ZNF536: variants seen among roughly 807,000 people sequenced by gnomAD.
The protein encoded by ZNF536 is zinc finger protein 536.
ZNF536 carries 13 observed loss-of-function variants against 84.5 expected under a neutral mutation model. That is an observed-to-expected ratio of 0.15 (90% CI 0.10 to 0.24). ZNF536 has a LOEUF of 0.24. ZNF536 is among the 10% of genes least tolerant of loss of function. The pLI, the probability that ZNF536 is intolerant of heterozygous loss-of-function variation, is 1.00. For synonymous variants in ZNF536, 811 were observed against 742.5 expected, an observed-to-expected ratio of 1.09 and a Z score of -1.50; for missense variants, 1,536 against 1,747.5, an observed-to-expected ratio of 0.88 and a Z score of 2.16.
chr19:30,320,767 C>T (rs981473892), intron 2 of ZNF536, among the ~76,000 whole-genome samples: 3 of 152,118 alleles, frequency 2.0e-5, no homozygotes, highest in Admixed American at 2.0e-4. Flanking sequence ...CTCCGTGAAA[C>T]GCCATTTGGA....
chr19:30,539,092 G>T (rs546472286), intron 3 of ZNF536, among the ~76,000 whole-genome samples: 1 of 150,920 alleles, frequency 6.6e-6, no homozygotes, highest in Non-Finnish European at 1.5e-5. Flanking sequence ...GAAAAGAAAA[G>T]AAAAAGAAAA....
intron 2 of ZNF536, among the ~76,000 whole-genome samples, chr19:30,316,765 T>G (rs2046692191): frequency 6.6e-6 from 1 of 152,160 alleles, no homozygotes; most frequent in South Asian, 2.1e-4. Context: ...CAACAGGTGG[T>G]TTCTGGGGCC....
At chr19:30,294,544 C>A (rs1308227891) in intron 2 of ZNF536, among the ~76,000 whole-genome samples, 2 of 127,300 alleles carry the variant, frequency 1.6e-5, no homozygotes, top group Non-Finnish European at 3.2e-5. Context: ...TCTCTAGGCC[C>A]CAATATGTGT....
chr19:30,591,318 C>G (rs889600157), intron 1 of ZNF536, among the ~76,000 whole-genome samples: 1 of 152,144 alleles, frequency 6.6e-6, no homozygotes, highest in African/African-American at 2.4e-5. Flanking sequence ...TAAAGACATA[C>G]CCAAGACTGG....
intron 1 of ZNF536, among the ~76,000 whole-genome samples, chr19:30,271,922 A>T (rs1411215164): frequency 2.0e-5 from 3 of 152,232 alleles, no homozygotes; most frequent in Non-Finnish European, 4.4e-5. Context: ...ACCCCTGCAC[A>T]GAAGTAAGAA....
chr19:30,422,121 A>G (rs2050987249), intron 1 of ZNF536, among the ~76,000 whole-genome samples: 1 of 152,184 alleles, frequency 6.6e-6, no homozygotes, highest in Non-Finnish European at 1.5e-5. Flanking sequence ...GGTGCCTGAA[A>G]CTGGGAGCAC....
At chr19:30,629,020 G>T (rs548037500) in intron 1 of ZNF536, among the ~76,000 whole-genome samples, 5 of 152,170 alleles carry the variant, frequency 3.3e-5, no homozygotes, top group African/African-American at 9.6e-5. Flanking sequence ...CACTTTTAAA[G>T]CACCTACCGA....
At chr19:30,345,594 AT>A (rs1373914391) in intron 2 of ZNF536, among the ~76,000 whole-genome samples, 2 of 152,208 alleles carry the variant, frequency 1.3e-5, no homozygotes, top group Non-Finnish European at 2.9e-5. Flanking sequence ...AAAGAAAAAA[AT>A]GTAGTGACTC....
chr19:30,424,976 G>C (rs957930223), intron 1 of ZNF536, among the ~76,000 whole-genome samples: 1 of 152,130 alleles, frequency 6.6e-6, no homozygotes, highest in Non-Finnish European at 1.5e-5. Context: ...AGGGGTGTGC[G>C]TGGAGCCTTC....
At chr19:30,622,477 G>A (rs963556451) in intron 1 of ZNF536, among the ~76,000 whole-genome samples, 1 of 152,226 alleles carries the variant, frequency 6.6e-6, no homozygotes, top group Admixed American at 6.5e-5. Context: ...AGAAGTGGCC[G>A]TTCTGGATGT....
At chr19:30,478,305 C>G (rs1037147584) in intron 2 of ZNF536, among the ~76,000 whole-genome samples, 1 of 152,146 alleles carries the variant, frequency 6.6e-6, no homozygotes. Flanking sequence ...GAGGGTCTTA[C>G]GATCTAACTC....
At chr19:30,607,122 C>T (rs2047927272) in intron 1 of ZNF536, among the ~76,000 whole-genome samples, 1 of 152,184 alleles carries the variant, frequency 6.6e-6, no homozygotes, top group African/African-American at 2.4e-5. Context: ...GATCCCCTCA[C>T]CTCCCTAAAC....
chr19:30,548,756 G>A lies in ZNF536; in HGVS notation c.3137G>A (p.Arg1046Gln), dbSNP rs377642821. The change falls in exon 4 of 5, where the codon CGG becomes CAG. Residue 1046 changes from arginine (R) to glutamine (Q), a missense_variant. Transcript: ENST00000355537. ...ACAGTCAACTGCAAAGACCAAGCCC[G>A]GGAGGCGAGTAAGATGGCCCTGCTG... is the stretch of plus-strand genomic sequence containing the variant. The part of the protein sequence containing the change: ...GVTVNCKDQA[R>Q]EASKMALLPS... 84 of 1,613,894 alleles carry A rather than the reference G, an allele frequency of 5.2e-5. 1 individual carries two copies. The highest frequency in any genetic ancestry group is 3.3e-4 in the East Asian group (15 of 44,862).
chr19:30,564,416 GGAGA>G (rs370641108), intron 1 of ZNF536, among the ~76,000 whole-genome samples: 1 of 151,910 alleles, frequency 6.6e-6, no homozygotes, highest in Non-Finnish European at 1.5e-5. Context: ...TGGGTAAAGA[GGAGA>G]GAGAGAGAGA....
intron 1 of ZNF536, among the ~76,000 whole-genome samples, chr19:30,705,994 A>G (rs1439152132): frequency 1.3e-5 from 2 of 152,220 alleles, no homozygotes; most frequent in Non-Finnish European, 2.9e-5. Flanking sequence ...AAAGGTACTA[A>G]GTGCTTTTAT....
intron 1 of ZNF536, among the ~76,000 whole-genome samples, chr19:30,377,576 G>A (rs919114336): frequency 7.9e-5 from 12 of 152,116 alleles, no homozygotes; most frequent in Non-Finnish European, 1.8e-4. Context: ...GTCCACCCTA[G>A]GTCCAATGCT....
Position 30,557,524 on chromosome 19 carries a change from CTGT to C in ZNF536, c.*362_*364del. ...GGACAACCTGGCTGGGGGTGGGGGG[CTGT>C]TCCACCAGCTCACCTGAGCATGTAG... On this transcript the variant is annotated 3_prime_UTR_variant, in exon 5 of 5. Transcript: ENST00000355537. 1 of 206,380 alleles carries C rather than the reference CTGT, an allele frequency of 4.8e-6. No individual in the cohort carries two copies. The highest frequency in any genetic ancestry group is 9.7e-6 in the Non-Finnish European group (1 of 103,438). The allele number at this position is 206,380 out of a possible 1,614,324, so 12.8% of individuals were successfully genotyped here.
chr19:30,605,460 A>T (rs527308276), intron 1 of ZNF536, among the ~76,000 whole-genome samples: 1 of 152,272 alleles, frequency 6.6e-6, no homozygotes, highest in East Asian at 1.9e-4. Flanking sequence ...TTCCTGAGTG[A>T]CTTCACTTGA....
chr19:30,512,089 A>C (rs987467067), intron 2 of ZNF536, among the ~76,000 whole-genome samples: 2 of 152,226 alleles, frequency 1.3e-5, no homozygotes, highest in Non-Finnish European at 2.9e-5. Context: ...TTTTAAACTT[A>C]AAATGATGAA....
Sources: allele counts gnomAD v4.1 joint callset (sites outside exome capture counted in the v4.1 genomes callset), GRCh38; gene constraint gnomAD v4.1.1; transcripts MANE v1.5; gene names NCBI Gene and HGNC (gene_info 2026-07-23, HGNC 2026-07-21).